TMEM116: variants seen among roughly 807,000 people sequenced by gnomAD.
TMEM116 encodes transmembrane protein 116.
A neutral mutation model predicts 44.3 loss-of-function variants in TMEM116; 38 were observed. The observed-to-expected ratio is 0.86, with a 90% CI of 0.66 to 1.12. The LOEUF (loss-of-function observed/expected upper bound fraction) is 1.12, where lower values mean the gene tolerates loss of function less well. Ranked by LOEUF, TMEM116 falls within the 50% of genes most tolerant of loss-of-function variation. The pLI is 0.00. For missense variants in TMEM116, 354 were observed against 401.7 expected, an observed-to-expected ratio of 0.88 and a Z score of 1.01; for synonymous variants, 132 against 144.8, an observed-to-expected ratio of 0.91 and a Z score of 0.64.
At position 111,936,824 on chromosome 12, in the gene TMEM116, G is replaced by A. The variant is rs1300931605; in HGVS notation, c.456C>T (p.Ile152=). ...FQNFSQSHKC[I]LMHSPPSAMA... ...TGGCTGATGGTGGTGAGTGCATCAA[G>A]ATACACCTAGGAAGAAAATCAATAA... The change falls in exon 8 of 11, where the codon ATC becomes ATT. Residue 152 remains isoleucine, a synonymous_variant. Transcript: ENST00000552374. 2 of 1,598,226 alleles carry A rather than the reference G, an allele frequency of 1.3e-6. No individual in the cohort carries two copies. Among genetic ancestry groups the A allele is most frequent in the African/African-American group, 1.3e-5 (1 of 74,350 alleles).
intron 3 of TMEM116, among the ~76,000 whole-genome samples, chr12:112,001,437 G>A (rs2077250819): frequency 6.6e-6 from 1 of 152,050 alleles, no homozygotes; most frequent in South Asian, 2.1e-4. Context: ...TCAGCCTCCT[G>A]GGTAGCTAGA....
chr12:111,937,070 G>A, intron 7 of TMEM116, 90 bp downstream of exon 7: 2 of 1,284,846 alleles, frequency 1.6e-6, no homozygotes, highest in South Asian at 2.5e-5. Context: ...ACTTTGGTCA[G>A]AATTATGTGG....
intron 5 of TMEM116, among the ~76,000 whole-genome samples, chr12:111,942,963 CT>C (rs879615162): frequency 1.5e-3 from 213 of 145,922 alleles, no homozygotes; most frequent in South Asian, 1.7e-3. Context: ...TTTTTACACA[CT>C]TTTTTTTTTT....
intron 4 of TMEM116, among the ~76,000 whole-genome samples, chr12:111,991,205 G>T (rs555220464): frequency 4.6e-5 from 5 of 107,640 alleles, no homozygotes; most frequent in Admixed American, 4.2e-4. Context: ...GCGACAGAGC[G>T]AGACTCTGTC....
chr12:112,002,046 A>C (rs1215798675), intron 3 of TMEM116, among the ~76,000 whole-genome samples: 1 of 152,174 alleles, frequency 6.6e-6, no homozygotes. Context: ...TATCCATCTC[A>C]AAGTTTTTTA....
At chr12:112,006,025 C>CAG in intron 1 of TMEM116, 2 of 982,538 alleles carry the variant, frequency 2.0e-6, no homozygotes, top group Middle Eastern at 5.2e-4. Context: ...TACCCTTGAG[C>CAG]AGCCGATCCT....
intron 5 of TMEM116, among the ~76,000 whole-genome samples, chr12:111,941,140 G>C (rs1000667351): frequency 1.3e-5 from 2 of 152,100 alleles, no homozygotes; most frequent in Non-Finnish European, 2.9e-5. Flanking sequence ...CACTTTGGGG[G>C]GCTGAGGAAG....
chr12:111,991,262 C>A (rs1485585684), intron 4 of TMEM116, among the ~76,000 whole-genome samples: 2 of 147,388 alleles, frequency 1.4e-5, no homozygotes, highest in African/African-American at 2.5e-5. Context: ...GTGGCTCATG[C>A]CTGTAATCCT....
chr12:111,939,573 G>A (rs2072492892), intron 5 of TMEM116, among the ~76,000 whole-genome samples: 1 of 151,570 alleles, frequency 6.6e-6, no homozygotes, highest in African/African-American at 2.4e-5. Context: ...CAAGGCAGAA[G>A]GATCACTTGA....
At chr12:111,985,436 T>C (rs1257756966) in intron 4 of TMEM116, among the ~76,000 whole-genome samples, 1 of 152,110 alleles carries the variant, frequency 6.6e-6, no homozygotes, top group Non-Finnish European at 1.5e-5. Context: ...CCATTTACAA[T>C]ATCATTAAAC....
intron 4 of TMEM116, among the ~76,000 whole-genome samples, chr12:111,969,021 AAAG>A (rs1046144356): frequency 2.0e-5 from 3 of 149,524 alleles, no homozygotes; most frequent in Non-Finnish European, 4.4e-5. Context: ...AAAGAAAAGA[AAAG>A]AAAAAAAAGA....
intron 5 of TMEM116, among the ~76,000 whole-genome samples, chr12:111,943,041 C>T (rs1344504322): frequency 1.3e-5 from 2 of 151,858 alleles, no homozygotes; most frequent in African/African-American, 2.4e-5. Flanking sequence ...CCCACTTCAG[C>T]CCCCGGAGTA....
chr12:111,982,909 T>C (rs778458605), intron 4 of TMEM116, among the ~76,000 whole-genome samples: 7 of 152,164 alleles, frequency 4.6e-5, no homozygotes, highest in Non-Finnish European at 1.0e-4. Context: ...TCTAAGGAAA[T>C]TTCTGGCCAA....
intron 5 of TMEM116, among the ~76,000 whole-genome samples, chr12:111,941,447 T>TG (rs536710708): frequency 6.1e-4 from 92 of 151,714 alleles, no homozygotes; most frequent in African/African-American, 2.1e-3. Flanking sequence ...TGCCAGAGTA[T>TG]AATCCTGTGT....
chr12:111,937,393 A>AGG, intron 6 of TMEM116, 150 bp from the exon 7 acceptor site: 2 of 647,148 alleles, frequency 3.1e-6, no homozygotes, highest in Non-Finnish European at 5.5e-6. Flanking sequence ...AATACCTCAA[A>AGG]TACCTTAGGT....
At chr12:111,988,806 A>C (rs538438088) in intron 4 of TMEM116, among the ~76,000 whole-genome samples, 1 of 152,110 alleles carries the variant, frequency 6.6e-6, no homozygotes, top group Admixed American at 6.6e-5. Context: ...CCTGGCCAAC[A>C]TAGTGAAACC....
rs933660745 is a variant in TMEM116, at chr12:111,962,843, C to T, written c.211-19474G>A. Among the ~76,000 whole-genome samples, 8 of 152,116 alleles carry T rather than the reference C, an allele frequency of 5.3e-5. No homozygotes were observed. The South Asian group carries it at 8.3e-4, about 16-fold the overall frequency. On this transcript the variant is annotated intron_variant, in intron 4 of 10. Coordinates refer to ENST00000552374, the MANE Select transcript of TMEM116 (RefSeq NM_001193531.2). ...ATCTAATTAAACTAAAGAGCTTCTG[C>T]ACAGCAAAAGAAACTATCATCAAAG...
At chr12:111,949,082 C>T (rs2073515841) in intron 4 of TMEM116, among the ~76,000 whole-genome samples, 1 of 152,024 alleles carries the variant, frequency 6.6e-6, no homozygotes, top group African/African-American at 2.4e-5. Context: ...CCACTGTGCT[C>T]CAACCTGGGC....
intron 3 of TMEM116, among the ~76,000 whole-genome samples, chr12:111,999,681 T>C (rs993287042): frequency 3.9e-5 from 6 of 152,126 alleles, no homozygotes; most frequent in African/African-American, 1.4e-4. Flanking sequence ...ACCATTTACA[T>C]TGTTTCAAAC....
Sources: allele counts gnomAD v4.1 joint callset (sites outside exome capture counted in the v4.1 genomes callset), GRCh38; gene constraint gnomAD v4.1.1; transcripts MANE v1.5; gene names NCBI Gene and HGNC (gene_info 2026-07-23, HGNC 2026-07-21).